Variants in ATP12A observed in about 807,000 individuals in gnomAD.
The protein encoded by ATP12A is potassium-transporting ATPase alpha chain 2.
ATP12A carries 81 observed loss-of-function variants against 111.2 expected under a neutral mutation model. The ratio of observed to expected loss-of-function variants is 0.73; its 90% CI spans 0.61 to 0.88. The LOEUF (loss-of-function observed/expected upper bound fraction) is 0.88, where lower values mean the gene tolerates loss of function less well. Ranked by LOEUF, ATP12A falls within the 40% of genes least tolerant of loss-of-function variation. The pLI is 0.00. For synonymous variants in ATP12A, 498 were observed against 499.8 expected (o/e 1.00, Z 0.05); for missense variants, 1,196 against 1,313.1 (o/e 0.91, Z 1.38).
chr13:24,686,457 AG>A (rs1874669020), intron 3 of ATP12A, among the ~76,000 whole-genome samples: 1 of 115,458 alleles, frequency 8.7e-6, no homozygotes, highest in Non-Finnish European at 1.8e-5. Flanking sequence ...AAAAAAAAAA[AG>A]GGCCGGGCGT....
intron 2 of ATP12A, 22 bp downstream of exon 2, chr13:24,681,742 G>T: frequency 6.2e-7 from 1 of 1,613,718 alleles, no homozygotes; most frequent in Non-Finnish European, 8.5e-7. Flanking sequence ...TAAGCCACGG[G>T]GTCCTGCCGG....
Position 24,687,049 on chromosome 13 carries a change from G to A in ATP12A, c.229-1270G>A, listed in dbSNP as rs1440150903. On this transcript the variant is annotated intron_variant, in intron 3 of 22. Transcript: ENST00000381946. ...TCAGAAAGATGAGTCTGGGGTTCTG[G>A]AAAAGGAATTGGAGTGGAGGGAGAT... Among the ~76,000 whole-genome samples the A allele has an allele frequency of 2.0e-5, 3 of 152,246 alleles. No homozygotes were observed. The East Asian group carries it at 5.8e-4, about 29-fold the overall frequency.
At chr13:24,694,146 G>A (rs1327070931) in intron 10 of ATP12A, among the ~76,000 whole-genome samples, 1 of 152,136 alleles carries the variant, frequency 6.6e-6, no homozygotes, top group East Asian at 1.9e-4. Flanking sequence ...GTTTCTGGAA[G>A]GCTTTCTTCT....
intron 13 of ATP12A, 35 bp from the exon 14 acceptor site, chr13:24,701,900 A>G (rs1424982381): frequency 1.9e-6 from 3 of 1,613,760 alleles, no homozygotes; most frequent in Non-Finnish European, 2.5e-6. Context: ...CGAGTTCTTC[A>G]TTACCCGTGG....
Position 24,692,506 on chromosome 13 carries a change from C to T in ATP12A, c.1146C>T (p.Leu382=), listed in dbSNP as rs778320466. ...LVKNLEAVET[L]GSTSIICSDK... ...AGAACCTGGAGGCTGTGGAGACCCT[C>T]GGCTCCACCTCCATCATCTGCTCGG... Residue 382 remains leucine (L), a synonymous_variant, in exon 9 of 23, where the codon CTC becomes CTT. Transcript: ENST00000381946. 35 of 1,614,044 alleles carry T rather than the reference C, an allele frequency of 2.2e-5. No individual in the cohort carries two copies. The highest frequency in any genetic ancestry group is 2.5e-5 in the Non-Finnish European group (30 of 1,180,028).
intron 13 of ATP12A, 45 bp downstream of exon 13, chr13:24,700,967 T>C: frequency 6.3e-7 from 1 of 1,591,372 alleles, no homozygotes; most frequent in Non-Finnish European, 8.6e-7. Context: ...CTTTATGTCG[T>C]GTTCCTTTCT....
chr13:24,683,970 G>A lies in ATP12A; in HGVS notation c.169-1344G>A, dbSNP rs1262733144. Among the ~76,000 whole-genome samples the A allele has an allele frequency of 2.0e-5, 3 of 152,232 alleles. No homozygotes were observed. The East Asian group carries it at 5.8e-4, about 29-fold the overall frequency. Reference sequence around the variant, plus strand: ...GAAGTATCCCGGCCTTTGAATGAAAGGGCCAGGCAGTGACCCGAGGGGTGG... The same window carrying A: ...GAAGTATCCCGGCCTTTGAATGAAAAGGCCAGGCAGTGACCCGAGGGGTGG... On this transcript the variant is annotated intron_variant, in intron 2 of 22. Coordinates refer to ENST00000381946, the MANE Select transcript of ATP12A (RefSeq NM_001676.7).
chr13:24,695,012 C>T (rs1281602190), intron 11 of ATP12A, among the ~76,000 whole-genome samples: 2 of 152,178 alleles, frequency 1.3e-5, no homozygotes, highest in African/African-American at 2.4e-5. Context: ...ATCAGGCCCT[C>T]GACCTACGTG....
At chr13:24,690,202 TAACAGCATGGACTC>T (rs1470804463) in intron 5 of ATP12A, 122 bp from the exon 6 acceptor site, 7 of 1,367,256 alleles carry the variant, frequency 5.1e-6, no homozygotes, top group Middle Eastern at 2.6e-4. Flanking sequence ...GCAGGCTGCA[TAACAGCATGGACTC>T]AACAGTGAGA....
chr13:24,680,582 G>T lies in ATP12A; in HGVS notation c.-162G>T. 1.4e-6 allele frequency: 1 copy of T among 720,486 alleles called. No individual in the cohort carries two copies. 44.6% of individuals were successfully genotyped at this position (720,486 alleles called of 1,614,324 possible). A position where few individuals can be genotyped will look rare whatever the true frequency, so the allele number is the denominator to read the frequency against. On this transcript the variant is annotated 5_prime_UTR_variant, in exon 1 of 23. Transcript: ENST00000381946. ...CCGGTGCAGCGGCTGGCGATCGGCC[G>T]CGGAGGTGCGTGCAGGGCCCGCGCC...
intron 17 of ATP12A, among the ~76,000 whole-genome samples, chr13:24,708,194 A>G (rs992636765): frequency 6.6e-6 from 1 of 152,170 alleles, no homozygotes; most frequent in Non-Finnish European, 1.5e-5. Flanking sequence ...AGCAGTTATG[A>G]AGACTTTATA....
Position 24,701,926 on chromosome 13 carries a change from T to C in ATP12A, c.1882-9T>C. The C allele has an allele frequency of 6.8e-6, 11 of 1,614,194 alleles. No individual in the cohort carries two copies. Among genetic ancestry groups the C allele is most frequent in the Non-Finnish European group, 8.5e-6 (10 of 1,180,024 alleles). On this transcript the variant is annotated splice_polypyrimidine_tract_variant and intron_variant, in intron 13 of 22. Transcript: ENST00000381946. Reference sequence around the variant, plus strand: ...TTACCCGTGGGCCTTCTCGTTGTCTTTGCTCTAGGTTATTATGGTTACTGG... The same window carrying C: ...TTACCCGTGGGCCTTCTCGTTGTCTCTGCTCTAGGTTATTATGGTTACTGG...
chr13:24,690,819 C>T (rs1239058843), intron 7 of ATP12A, 98 bp downstream of exon 7: 19 of 1,445,316 alleles, frequency 1.3e-5, no homozygotes, highest in Non-Finnish European at 1.5e-5. Context: ...TTACAAAGCT[C>T]ATCCCAGAGG....
chr13:24,681,448 G>A (rs1006702468), intron 1 of ATP12A, 114 bp from the exon 2 acceptor site: 3 of 1,292,592 alleles, frequency 2.3e-6, no homozygotes, highest in African/African-American at 3.0e-5. Flanking sequence ...GAGGAGGGAA[G>A]GAAAGGGAGA....
At chr13:24,680,998 G>C (rs1479389648) in intron 1 of ATP12A, among the ~76,000 whole-genome samples, 1 of 152,220 alleles carries the variant, frequency 6.6e-6, no homozygotes, top group Non-Finnish European at 1.5e-5. Flanking sequence ...AGCGAGAAGG[G>C]GCCAAGGGGT....
intron 21 of ATP12A, 86 bp from the exon 22 acceptor site, chr13:24,711,232 T>C: frequency 7.9e-7 from 1 of 1,258,328 alleles, no homozygotes; most frequent in Non-Finnish European, 1.1e-6. Context: ...GCAAGACAAA[T>C]GAACGAGAAG....
intron 9 of ATP12A, 76 bp downstream of exon 9, chr13:24,692,703 T>A (rs989812164): frequency 5.6e-6 from 9 of 1,597,958 alleles, no homozygotes; most frequent in Non-Finnish European, 7.7e-6. Context: ...CACAGCAGGG[T>A]CTGCAGCCAG....
chr13:24,696,176 C>T lies in ATP12A; in HGVS notation c.1512+1598C>T, dbSNP rs930631187. ...TTCCACAAGTATTAAATTATTCATT[C>T]GCACGACAACACTGTGGGGTGGCTA... On this transcript the variant is annotated intron_variant, in intron 11 of 22. Coordinates refer to ENST00000381946, the MANE Select transcript of ATP12A (RefSeq NM_001676.7). Among the ~76,000 whole-genome samples, 8 of 152,170 alleles carry T rather than the reference C, an allele frequency of 5.3e-5. No homozygotes were observed. In the South Asian group the frequency reaches 1.2e-3, roughly 24 times the overall value.
chr13:24,688,357 G>A lies in ATP12A; in HGVS notation c.267G>A (p.Arg89=), dbSNP rs763453331. ...SSTRAAELLA[R]DGPNSLTPPK... is the part of the protein sequence containing the mutation. ...CCAGAGCTGCCGAGCTCCTGGCCCG[G>A]GATGGGCCCAACTCCCTCACCCCTC... The change falls in exon 4 of 23, where the codon CGG becomes CGA. Residue 89 remains arginine (R), a synonymous_variant. Coordinates refer to ENST00000381946, the MANE Select transcript of ATP12A (RefSeq NM_001676.7). 6.2e-7 allele frequency: 1 copy of A among 1,613,952 alleles called. No homozygotes were observed. Among genetic ancestry groups the A allele is most frequent in the Admixed American group, 1.7e-5 (1 of 59,996 alleles).
Sources: gnomAD v4.1 joint callset for allele counts (sites outside exome capture counted in the v4.1 genomes callset) on GRCh38, gnomAD v4.1.1 for gene constraint, MANE v1.5 for transcripts, NCBI Gene and HGNC (gene_info 2026-07-23, HGNC 2026-07-21) for gene names.